ABAT: variants seen among roughly 807,000 people sequenced by gnomAD.
ABAT encodes 4-aminobutyrate aminotransferase.
A neutral mutation model predicts 64.6 loss-of-function variants in ABAT; 45 were observed. The ratio of observed to expected loss-of-function variants is 0.70; its 90% CI spans 0.55 to 0.89. The LOEUF (loss-of-function observed/expected upper bound fraction) is 0.89, where lower values mean the gene tolerates loss of function less well. Ranked by LOEUF, ABAT falls within the 40% of genes least tolerant of loss-of-function variation. The probability of loss-of-function intolerance (pLI) is 0.00; values close to 1 mark genes in which losing one functional copy is unlikely to be tolerated. For synonymous variants in ABAT, 297 were observed against 250.5 expected (o/e 1.19, Z -1.75); for missense variants, 633 against 658.4 (o/e 0.96, Z 0.42).
At chr16:8,758,520 C>A (rs755720414) in intron 6 of ABAT, among the ~76,000 whole-genome samples, 1 of 152,102 alleles carries the variant, frequency 6.6e-6, no homozygotes, top group Non-Finnish European at 1.5e-5. Flanking sequence ...GGTTTTCAGA[C>A]GCCACCTAGG....
intron 1 of ABAT, among the ~76,000 whole-genome samples, chr16:8,727,040 G>A (rs1353896962): frequency 6.6e-6 from 1 of 152,118 alleles, no homozygotes; most frequent in Non-Finnish European, 1.5e-5. Flanking sequence ...ATCGAATTAT[G>A]AGATTTTTTT....
chr16:8,767,402 G>A (rs1434623140), intron 9 of ABAT, among the ~76,000 whole-genome samples: 1 of 152,158 alleles, frequency 6.6e-6, no homozygotes, highest in African/African-American at 2.4e-5. Context: ...CCCTTGCCTT[G>A]GTCACCCTGG....
intron 5 of ABAT, among the ~76,000 whole-genome samples, chr16:8,751,877 G>A (rs1305212145): frequency 1.3e-5 from 2 of 152,090 alleles, no homozygotes; most frequent in East Asian, 3.8e-4. Context: ...GATGGACAGG[G>A]CTAAATTGGA....
chr16:8,773,472 C>G (rs12446980), intron 12 of ABAT, among the ~76,000 whole-genome samples: 1 of 152,086 alleles, frequency 6.6e-6, no homozygotes, highest in Admixed American at 6.6e-5. Context: ...TTTAAAAAAC[C>G]TTTTTGGATA....
At chr16:8,718,350 A>C (rs181580329) in intron 1 of ABAT, among the ~76,000 whole-genome samples, 1 of 152,224 alleles carries the variant, frequency 6.6e-6, no homozygotes, top group Non-Finnish European at 1.5e-5. Flanking sequence ...CAGATGTACA[A>C]TTTATCTGTG....
At chr16:8,708,530 A>G (rs1731064) in intron 1 of ABAT, among the ~76,000 whole-genome samples, 110,067 of 151,974 alleles carry the variant, frequency 0.72, 40,140 homozygotes, top group East Asian at 0.85. Flanking sequence ...TGAACTCCTG[A>G]GCTCAAGCAA....
At chr16:8,703,341 A>G (rs907313495) in intron 1 of ABAT, among the ~76,000 whole-genome samples, 2 of 152,068 alleles carry the variant, frequency 1.3e-5, no homozygotes, top group Non-Finnish European at 2.9e-5. Flanking sequence ...CTGTAGTCCC[A>G]GCTACTCGGG....
chr16:8,762,565 C>T (rs2059828839), intron 6 of ABAT, among the ~76,000 whole-genome samples: 1 of 152,208 alleles, frequency 6.6e-6, no homozygotes, highest in African/African-American at 2.4e-5. Flanking sequence ...AGAAAGCTAT[C>T]CTCATTTGAT....
At chr16:8,738,449 A>G (rs533955050) in intron 2 of ABAT, 5 of 455,862 alleles carry the variant, frequency 1.1e-5, no homozygotes, top group Admixed American at 4.7e-5. Flanking sequence ...CCAGGATCCA[A>G]TCCAGGTACA....
At chr16:8,707,086 C>G (rs2057962628) in intron 1 of ABAT, among the ~76,000 whole-genome samples, 4 of 152,264 alleles carry the variant, frequency 2.6e-5, no homozygotes, top group Admixed American at 1.3e-4. Context: ...TGGGAGCCAC[C>G]ACTGAGCTAA....
chr16:8,742,488 A>G (rs1271271851), intron 2 of ABAT, among the ~76,000 whole-genome samples: 2 of 152,180 alleles, frequency 1.3e-5, no homozygotes, highest in Admixed American at 1.3e-4. Flanking sequence ...TTTTATCAAA[A>G]TATGCGTCCC....
chr16:8,691,047 GGA>G (rs1491417384), intron 1 of ABAT, among the ~76,000 whole-genome samples: 2 of 140,960 alleles, frequency 1.4e-5, no homozygotes, highest in African/African-American at 5.3e-5. Context: ...GTGTGTTGGG[GGA>G]AAAAAAAAAA....
At chr16:8,768,796 C>A in intron 10 of ABAT, 29 bp from the exon 11 acceptor site, 11 of 1,613,910 alleles carry the variant, frequency 6.8e-6, no homozygotes, top group Non-Finnish European at 9.3e-6. Context: ...CCAAGCCAAG[C>A]GTCTGCTTTT....
In ABAT at chr16:8,737,997, A is replaced by G. The variant is rs1192783169; in HGVS notation, c.70+2188A>G. 2.4e-3 allele frequency among the ~76,000 whole-genome samples: 181 copies of G among 76,190 alleles called. 31 individuals carry two copies. Among genetic ancestry groups the G allele is most frequent in the South Asian group, 9.2e-3 (16 of 1,736 alleles). 50.0% of individuals were successfully genotyped at this position (76,190 alleles called of 152,430 possible). ...GGAAGGAAGGAAGGAAGGAGGAAAG[A>G]AAGAAAGAAAGAAAGAAAGGAAAGA... On this transcript the variant is annotated intron_variant, in intron 2 of 15. Coordinates refer to ENST00000268251, the MANE Select transcript of ABAT (RefSeq NM_020686.6).
intron 1 of ABAT, chr16:8,713,931 G>C: frequency 2.2e-6 from 1 of 456,022 alleles, no homozygotes; most frequent in Non-Finnish European, 4.4e-6. Context: ...TGCTGCCATG[G>C]GGAGGTGGTG....
At chr16:8,698,965 A>G (rs141496261) in intron 1 of ABAT, among the ~76,000 whole-genome samples, 14 of 152,170 alleles carry the variant, frequency 9.2e-5, no homozygotes, top group African/African-American at 3.4e-4. Flanking sequence ...AAACAAACAA[A>G]CAAAAAATAA....
intron 8 of ABAT, 197 bp from the exon 9 acceptor site, chr16:8,766,011 T>A: frequency 3.4e-6 from 2 of 583,176 alleles, no homozygotes; most frequent in Non-Finnish European, 6.3e-6. Context: ...TAATGCATTA[T>A]GTGTGTTAGT....
chr16:8,704,886 A>T (rs934818671), intron 1 of ABAT, among the ~76,000 whole-genome samples: 6 of 152,082 alleles, frequency 3.9e-5, no homozygotes, highest in Admixed American at 1.3e-4. Context: ...GGGTCTCACT[A>T]TGTTGCCCAG....
intron 11 of ABAT, among the ~76,000 whole-genome samples, chr16:8,771,614 G>A (rs574943289): frequency 2.0e-5 from 3 of 152,086 alleles, no homozygotes; most frequent in African/African-American, 7.2e-5. Flanking sequence ...GAGTACAGGC[G>A]TGAGCCACCA....
Sources: gnomAD v4.1 joint callset for allele counts (sites outside exome capture counted in the v4.1 genomes callset) on GRCh38, gnomAD v4.1.1 for gene constraint, MANE v1.5 for transcripts, NCBI Gene and HGNC (gene_info 2026-07-23, HGNC 2026-07-21) for gene names.